Variants in NDRG3 observed in about 807,000 individuals in gnomAD.
The protein encoded by NDRG3 is protein NDRG3.
In NDRG3, 23 loss-of-function variants were observed where a neutral mutation model predicts 57.2. The ratio of observed to expected loss-of-function variants is 0.40; its 90% confidence interval spans 0.29 to 0.57. The LOEUF (loss-of-function observed/expected upper bound fraction) is 0.57, where lower values mean the gene tolerates loss of function less well. NDRG3 is among the 20% of genes least tolerant of loss of function. The pLI, the probability that NDRG3 is intolerant of heterozygous loss-of-function variation, is 0.42. For missense variants in NDRG3, 384 were observed against 457.3 expected (o/e 0.84, Z 1.46); for synonymous variants, 132 against 162.6 (o/e 0.81, Z 1.43).
At chr20:36,701,078 C>G (rs1454343676) in intron 3 of NDRG3, among the ~76,000 whole-genome samples, 3 of 152,142 alleles carry the variant, frequency 2.0e-5, no homozygotes, top group Non-Finnish European at 4.4e-5. Context: ...CCCGGCTCTC[C>G]CAGTACTTAC....
intron 2 of NDRG3, among the ~76,000 whole-genome samples, chr20:36,717,102 C>T (rs969265132): frequency 4.5e-4 from 68 of 152,276 alleles, no homozygotes; most frequent in African/African-American, 1.4e-3. Flanking sequence ...ATTTCTGTCC[C>T]GCAAAACAAA....
At chr20:36,702,668 C>T (rs1983311289) in intron 3 of NDRG3, among the ~76,000 whole-genome samples, 1 of 151,826 alleles carries the variant, frequency 6.6e-6, no homozygotes, top group African/African-American at 2.4e-5. Context: ...GGATTACAGG[C>T]ACCTGCCACC....
intron 12 of NDRG3, among the ~76,000 whole-genome samples, chr20:36,661,482 A>G (rs1293786857): frequency 6.6e-6 from 1 of 152,250 alleles, no homozygotes; most frequent in Non-Finnish European, 1.5e-5. Flanking sequence ...AATACAAAGC[A>G]AAATGAAACC....
chr20:36,672,333 G>A (rs1009779020), intron 8 of NDRG3, among the ~76,000 whole-genome samples: 5 of 151,972 alleles, frequency 3.3e-5, no homozygotes, highest in African/African-American at 4.8e-5. Flanking sequence ...ATTCCTGTTC[G>A]GCCTTCTTCC....
chr20:36,716,532 C>CAAAA (rs35687613), intron 2 of NDRG3, among the ~76,000 whole-genome samples: 1 of 100,514 alleles, frequency 9.9e-6, no homozygotes. Flanking sequence ...GACTCCATCT[C>CAAAA]AAAAAAAAAA....
intron 8 of NDRG3, among the ~76,000 whole-genome samples, chr20:36,673,627 C>A (rs571020197): frequency 2.0e-5 from 3 of 151,986 alleles, no homozygotes; most frequent in African/African-American, 4.8e-5. Context: ...GTGGCCAGGC[C>A]GGTCTTGAAC....
intron 1 of NDRG3, among the ~76,000 whole-genome samples, chr20:36,722,417 G>C (rs1157256300): frequency 6.6e-6 from 1 of 152,112 alleles, no homozygotes; most frequent in Non-Finnish European, 1.5e-5. Flanking sequence ...TGTTGTTTTA[G>C]GCTACTACAT....
intron 1 of NDRG3, among the ~76,000 whole-genome samples, chr20:36,729,693 A>C (rs1985159146): frequency 6.6e-6 from 1 of 151,982 alleles, no homozygotes; most frequent in Non-Finnish European, 1.5e-5. Flanking sequence ...ACGCCTGGCT[A>C]ATTTTTGTAC....
intron 8 of NDRG3, among the ~76,000 whole-genome samples, chr20:36,671,997 C>T (rs934270516): frequency 1.1e-4 from 16 of 152,136 alleles, no homozygotes; most frequent in South Asian, 2.1e-4. Flanking sequence ...CTAGACCTCA[C>T]GGCTGTTTGC....
chr20:36,660,051 A>G (rs1407127135), intron 13 of NDRG3, among the ~76,000 whole-genome samples: 1 of 151,920 alleles, frequency 6.6e-6, no homozygotes, highest in Non-Finnish European at 1.5e-5. Context: ...TACTAAAAAT[A>G]CGAAAAATTA....
chr20:36,693,798 A>G, intron 3 of NDRG3, among the ~76,000 whole-genome samples: 1 of 151,832 alleles, frequency 6.6e-6, no homozygotes, highest in Non-Finnish European at 1.5e-5. Context: ...GCAGGAAAAC[A>G]AGCTCAGGGC....
intron 2 of NDRG3, among the ~76,000 whole-genome samples, chr20:36,715,310 C>T (rs998669317): frequency 6.6e-6 from 1 of 151,338 alleles, no homozygotes; most frequent in Non-Finnish European, 1.5e-5. Flanking sequence ...GCATCACTAC[C>T]TGCTTCGGAA....
intron 1 of NDRG3, among the ~76,000 whole-genome samples, chr20:36,737,648 A>C (rs947255495): frequency 6.6e-6 from 1 of 152,182 alleles, no homozygotes; most frequent in Admixed American, 6.5e-5. Context: ...GCAGCAGAGC[A>C]AGGATTTGAA....
chr20:36,671,676 CCTG>C (rs1380571392), intron 8 of NDRG3, among the ~76,000 whole-genome samples: 1 of 151,954 alleles, frequency 6.6e-6, no homozygotes, highest in African/African-American at 2.4e-5. Context: ...GTGGCAGGTA[CCTG>C]TAGTCCCTGC....
At chr20:36,702,431 C>T (rs1190830651) in intron 3 of NDRG3, among the ~76,000 whole-genome samples, 1 of 152,102 alleles carries the variant, frequency 6.6e-6, no homozygotes, top group Non-Finnish European at 1.5e-5. Flanking sequence ...CGACCGCGCC[C>T]GGCCCCAATA....
At chr20:36,681,766 C>T (rs1026436627) in intron 7 of NDRG3, among the ~76,000 whole-genome samples, 4 of 151,574 alleles carry the variant, frequency 2.6e-5, no homozygotes, top group African/African-American at 4.8e-5. Context: ...GATGCTATCT[C>T]GGCTCACTAC....
intron 5 of NDRG3, among the ~76,000 whole-genome samples, chr20:36,685,811 C>A (rs1045092186): frequency 1.3e-5 from 2 of 152,122 alleles, no homozygotes; most frequent in Non-Finnish European, 2.9e-5. Flanking sequence ...GAGTTCGAGA[C>A]CAGCCTGAGC....
intron 8 of NDRG3, among the ~76,000 whole-genome samples, chr20:36,680,219 G>A (rs1981138265): frequency 6.6e-6 from 1 of 151,620 alleles, no homozygotes; most frequent in Admixed American, 6.6e-5. Flanking sequence ...GGGTGCGGTG[G>A]CTCACGCCTG....
intron 9 of NDRG3, among the ~76,000 whole-genome samples, chr20:36,669,176 C>A (rs1244037675): frequency 6.6e-6 from 1 of 151,948 alleles, no homozygotes; most frequent in African/African-American, 2.4e-5. Flanking sequence ...CTTGCCTCAG[C>A]CTCCCGAGTA....
Sources: allele counts gnomAD v4.1 joint callset (sites outside exome capture counted in the v4.1 genomes callset), GRCh38; gene constraint gnomAD v4.1.1; transcripts MANE v1.5; gene names NCBI Gene and HGNC (gene_info 2026-07-23, HGNC 2026-07-21).